Variants in CABLES1 observed in about 807,000 individuals in gnomAD.
The protein encoded by CABLES1 is CDK5 and ABL1 enzyme substrate 1.
CABLES1 carries 36 observed loss-of-function variants against 57.8 expected under a neutral mutation model. That is an observed-to-expected ratio of 0.62 (90% CI 0.48 to 0.82). The LOEUF (loss-of-function observed/expected upper bound fraction) is 0.82, where lower values mean the gene tolerates loss of function less well. CABLES1 is among the 40% of genes least tolerant of loss of function. The pLI is 0.00. For missense variants in CABLES1, 767 were observed against 836.6 expected, an observed-to-expected ratio of 0.92 and a Z score of 1.03; for synonymous variants, 374 against 363.0, an observed-to-expected ratio of 1.03 and a Z score of -0.35.
intron 1 of CABLES1, among the ~76,000 whole-genome samples, chr18:23,138,453 C>A (rs1037867477): frequency 1.5e-4 from 23 of 152,178 alleles, no homozygotes; most frequent in Non-Finnish European, 2.5e-4. Context: ...TATCTGGCAA[C>A]CTGATAGGCT....
chr18:23,237,510 G>A (rs1158852048), intron 7 of CABLES1, among the ~76,000 whole-genome samples: 3 of 152,248 alleles, frequency 2.0e-5, no homozygotes, highest in Non-Finnish European at 4.4e-5. Context: ...CTCCTCTGAA[G>A]GGGGATGTCC....
At chr18:23,211,059 T>C (rs372705980) in intron 3 of CABLES1, among the ~76,000 whole-genome samples, 5 of 151,996 alleles carry the variant, frequency 3.3e-5, no homozygotes, top group South Asian at 4.2e-4. Flanking sequence ...CTCCTAGATA[T>C]AGTGGTGCGG....
At chr18:23,240,203 C>T (rs922814258) in intron 7 of CABLES1, among the ~76,000 whole-genome samples, 6 of 152,092 alleles carry the variant, frequency 3.9e-5, no homozygotes, top group South Asian at 2.1e-4. Context: ...AAGACTTCCC[C>T]GAGGAATGGC....
chr18:23,206,819 T>TC (rs1268975676), intron 3 of CABLES1, among the ~76,000 whole-genome samples: 115 of 147,920 alleles, frequency 7.8e-4, no homozygotes, highest in African/African-American at 2.6e-3. Flanking sequence ...TTGTGCACCT[T>TC]TTTTTTTTTT....
In CABLES1 at chr18:23,257,587, G is replaced by A. The variant is rs1201125251; in HGVS notation, c.*220G>A. 1.6e-5 allele frequency: 8 copies of A among 487,282 alleles called. No homozygotes were observed. The highest frequency in any genetic ancestry group is 2.5e-5 in the Non-Finnish European group (7 of 283,176). The allele number at this position is 487,282 out of a possible 1,614,324, so 30.2% of individuals were successfully genotyped here. The stretch of plus-strand genomic sequence containing the variant: ...GACTCCTCAAGCACGGGAAGAGGAG[G>A]TGTGTGCTGAGAACAGAGAGGCCCT... On this transcript the variant is annotated 3_prime_UTR_variant, in exon 10 of 10. Coordinates refer to ENST00000256925, the MANE Select transcript of CABLES1 (RefSeq NM_001100619.3).
intron 7 of CABLES1, among the ~76,000 whole-genome samples, chr18:23,252,181 A>G (rs2145132684): frequency 6.6e-6 from 1 of 152,308 alleles, no homozygotes; most frequent in East Asian, 1.9e-4. Flanking sequence ...TTATAGAGAC[A>G]TAAAGTGGAG....
At chr18:23,193,294 C>T (rs1414998747) in intron 2 of CABLES1, among the ~76,000 whole-genome samples, 12 of 151,408 alleles carry the variant, frequency 7.9e-5, no homozygotes, top group African/African-American at 2.7e-4. Flanking sequence ...CGGGTTGAAG[C>T]GATTCTCCTG....
intron 7 of CABLES1, among the ~76,000 whole-genome samples, chr18:23,238,219 C>A (rs546522384): frequency 2.4e-4 from 37 of 152,324 alleles, no homozygotes; most frequent in African/African-American, 8.9e-4. Context: ...AGAGTGGAAA[C>A]CAATCCCCCG....
chr18:23,163,146 C>T (rs957119829), intron 1 of CABLES1, among the ~76,000 whole-genome samples: 1 of 151,944 alleles, frequency 6.6e-6, no homozygotes, highest in Non-Finnish European at 1.5e-5. Flanking sequence ...TCTTGGAGAT[C>T]ACTGGTACCA....
chr18:23,234,253 C>T (rs2047586383), intron 4 of CABLES1, among the ~76,000 whole-genome samples: 2 of 152,106 alleles, frequency 1.3e-5, no homozygotes, highest in South Asian at 2.1e-4. Context: ...AGAAAGAACC[C>T]AGCAGCTAGA....
intron 7 of CABLES1, among the ~76,000 whole-genome samples, chr18:23,239,702 G>A (rs2047688030): frequency 6.6e-6 from 1 of 152,236 alleles, no homozygotes; most frequent in South Asian, 2.1e-4. Flanking sequence ...TCCTTACCCA[G>A]TAGAGAACTA....
chr18:23,159,666 C>T (rs534654048), intron 1 of CABLES1, among the ~76,000 whole-genome samples: 6 of 152,302 alleles, frequency 3.9e-5, no homozygotes, highest in South Asian at 2.1e-4. Context: ...TGATCCCAAC[C>T]GTGTGAGCTT....
chr18:23,152,965 C>T (rs888895961), intron 1 of CABLES1, among the ~76,000 whole-genome samples: 7 of 151,748 alleles, frequency 4.6e-5, no homozygotes, highest in Non-Finnish European at 8.8e-5. Context: ...CCACGCCCTG[C>T]TGTTTTTTGT....
intron 3 of CABLES1, among the ~76,000 whole-genome samples, chr18:23,207,121 T>G (rs2047369564): frequency 6.6e-6 from 1 of 152,206 alleles, no homozygotes; most frequent in Non-Finnish European, 1.5e-5. Context: ...GTGCACAGTC[T>G]TTAATAAACA....
Position 23,253,739 on chromosome 18 carries a change from G to C in CABLES1, c.1564G>C (p.Glu522Gln), listed in dbSNP as rs1289565381. 1 of 1,614,106 alleles carries C rather than the reference G, an allele frequency of 6.2e-7. No individual in the cohort carries two copies. Among genetic ancestry groups the C allele is most frequent in the South Asian group, 1.1e-5 (1 of 91,068 alleles). ...CCTGTCTTTCTCCAGTCTGAAACGA[G>C]AGATGCGGAAGCTTGCGCAGGAGGA... ...TLSKIRSLKREMRKLAQEDCG... is the reference protein window; with the variant it reads ...TLSKIRSLKRQMRKLAQEDCG... The change falls in exon 9 of 10, where the codon GAG (glutamate) becomes CAG (glutamine). Residue 522 changes from glutamate (E) to glutamine (Q), a missense_variant. Physicochemically the swap from Glu to Gln is conservative, Grantham distance 29. This residue lies in a region of CABLES1 where 529 missense variants were observed against 622.8 expected (regional missense o/e 0.85). Transcript: ENST00000256925.
intron 9 of CABLES1, among the ~76,000 whole-genome samples, chr18:23,256,778 G>A (rs777809596): frequency 7.9e-5 from 12 of 152,082 alleles, no homozygotes; most frequent in Non-Finnish European, 1.6e-4. Flanking sequence ...AGCCACCACC[G>A]GTTTGCTTTA....
At chr18:23,155,790 T>TGA (rs2144967410) in intron 1 of CABLES1, 1 of 1,548,126 alleles carries the variant, frequency 6.5e-7, no homozygotes, top group East Asian at 2.3e-5. Flanking sequence ...TTTTGAGTCT[T>TGA]AGGTTTGGTC....
At chr18:23,150,314 T>C (rs923245035) in intron 1 of CABLES1, among the ~76,000 whole-genome samples, 3 of 145,502 alleles carry the variant, frequency 2.1e-5, no homozygotes, top group Non-Finnish European at 4.5e-5. Context: ...GTTCATGCCA[T>C]TCTCCTGCCT....
intron 2 of CABLES1, among the ~76,000 whole-genome samples, chr18:23,193,164 A>T (rs112646587): frequency 8.3e-4 from 126 of 151,130 alleles, no homozygotes; most frequent in Admixed American, 1.4e-3. Flanking sequence ...GTCCTCAAAC[A>T]GGGTTCTGCA....
Sources: allele counts gnomAD v4.1 joint callset (sites outside exome capture counted in the v4.1 genomes callset), GRCh38; gene constraint gnomAD v4.1.1; regional missense constraint gnomAD v4.1.1; transcripts MANE v1.5; gene names NCBI Gene and HGNC (gene_info 2026-07-23, HGNC 2026-07-21).